Variants in PIP4K2A observed in about 807,000 individuals in gnomAD.
PIP4K2A encodes phosphatidylinositol 5-phosphate 4-kinase type-2 alpha.
Under a neutral mutation model 42.9 loss-of-function variants are expected in PIP4K2A, and 14 were observed. The ratio of observed to expected loss-of-function variants is 0.33; its 90% CI spans 0.22 to 0.51. The LOEUF (loss-of-function observed/expected upper bound fraction) is 0.51. PIP4K2A is among the 20% of genes least tolerant of loss of function. The probability of loss-of-function intolerance (pLI) is 0.97; values close to 1 mark genes in which losing one functional copy is unlikely to be tolerated. For missense variants in PIP4K2A, 434 were observed against 519.8 expected (o/e 0.83, Z 1.61); for synonymous variants, 192 against 192.2 (o/e 1.00, Z 0.01).
rs1835887987 is a variant in PIP4K2A at position 22,535,141 on chromosome 10, T to G, written c.*2060A>C. On this transcript the variant is annotated 3_prime_UTR_variant, in exon 10 of 10. Coordinates refer to ENST00000376573, the MANE Select transcript of PIP4K2A (RefSeq NM_005028.5). ...AAAATAAAAGCATTCTGTAAACTTC[T>G]AAAAGCATACACAGATTGGCCCCCA... The G allele has an allele frequency of 6.6e-6, 1 of 152,230 alleles. No individual in the cohort carries two copies. The allele number at this position is 152,230 out of a possible 1,614,324, so 9.4% of individuals were successfully genotyped here. A position where few individuals can be genotyped will look rare whatever the true frequency, so the allele number is the denominator to read the frequency against.
rs1048321423 is a variant in PIP4K2A, at chr10:22,536,021, T to C, written c.*1180A>G. On this transcript the variant is annotated 3_prime_UTR_variant, in exon 10 of 10. Transcript: ENST00000376573. ...AACGTTATTTCACCTATACTGTGAC[T>C]TTACATGTAAACTTCAAAAATCACA... 7.5e-6 allele frequency: 3 copies of C among 398,140 alleles called. No homozygotes were observed. Among genetic ancestry groups the C allele is most frequent in the Non-Finnish European group, 1.3e-5 (3 of 225,890 alleles). The allele number at this position is 398,140 out of a possible 1,614,324, so 24.7% of individuals were successfully genotyped here.
chr10:22,540,819 T>G (rs964605069), intron 8 of PIP4K2A, among the ~76,000 whole-genome samples: 1 of 152,196 alleles, frequency 6.6e-6, no homozygotes, highest in Admixed American at 6.5e-5. Context: ...CCTCCCAAAG[T>G]GCTGGGATTA....
intron 4 of PIP4K2A, among the ~76,000 whole-genome samples, chr10:22,579,562 T>C (rs1837209801): frequency 6.6e-6 from 1 of 152,134 alleles, no homozygotes; most frequent in Non-Finnish European, 1.5e-5. Context: ...ATAACACTGC[T>C]TAGACATGAT....
chr10:22,636,527 G>C (rs1370036120), intron 1 of PIP4K2A, among the ~76,000 whole-genome samples: 1 of 152,146 alleles, frequency 6.6e-6, no homozygotes, highest in Non-Finnish European at 1.5e-5. Flanking sequence ...CCTCCCCAAA[G>C]TGGTAGGATT....
chr10:22,568,122 T>C (rs1397245959), intron 5 of PIP4K2A, among the ~76,000 whole-genome samples: 1 of 152,236 alleles, frequency 6.6e-6, no homozygotes, highest in Non-Finnish European at 1.5e-5. Flanking sequence ...CCTGACTCTG[T>C]CTTGCTCACC....
At chr10:22,612,686 T>G (rs74362118) in intron 1 of PIP4K2A, among the ~76,000 whole-genome samples, 10,354 of 151,998 alleles carry the variant, frequency 0.068, 420 homozygotes, top group Middle Eastern at 0.16. Flanking sequence ...AGACTAGAAA[T>G]GTAGGGAAAG....
intron 1 of PIP4K2A, among the ~76,000 whole-genome samples, chr10:22,683,948 G>A (rs954703949): frequency 1.3e-5 from 2 of 151,816 alleles, no homozygotes; most frequent in African/African-American, 4.8e-5. Context: ...TCCTTGCCCG[G>A]AACGTTCCTG....
chr10:22,551,927 A>G (rs1302805843), intron 6 of PIP4K2A, among the ~76,000 whole-genome samples: 1 of 152,190 alleles, frequency 6.6e-6, no homozygotes, highest in East Asian at 1.9e-4. Context: ...TTTATAAAGT[A>G]TAGACATGCA....
chr10:22,593,359 T>C (rs1221982053), intron 3 of PIP4K2A, among the ~76,000 whole-genome samples: 1 of 152,042 alleles, frequency 6.6e-6, no homozygotes, highest in Non-Finnish European at 1.5e-5. Flanking sequence ...AAAAAAAAAA[T>C]CTACATAATC....
At chr10:22,637,083 A>G (rs528080323) in intron 1 of PIP4K2A, among the ~76,000 whole-genome samples, 6 of 152,362 alleles carry the variant, frequency 3.9e-5, no homozygotes, top group Non-Finnish European at 8.8e-5. Context: ...AGCATTTTAA[A>G]GATGGAGGCA....
chr10:22,623,933 C>T (rs536558030), intron 1 of PIP4K2A, among the ~76,000 whole-genome samples: 1 of 152,264 alleles, frequency 6.6e-6, no homozygotes, highest in East Asian at 1.9e-4. Flanking sequence ...GAATAGTTCA[C>T]AACAATTAAA....
At chr10:22,712,857 A>T (rs1026979117) in intron 1 of PIP4K2A, among the ~76,000 whole-genome samples, 2 of 152,226 alleles carry the variant, frequency 1.3e-5, no homozygotes, top group African/African-American at 4.8e-5. Flanking sequence ...CAGCTTGGGG[A>T]AGAAAAATAC....
intron 4 of PIP4K2A, among the ~76,000 whole-genome samples, chr10:22,585,451 TAAG>T (rs1366227008): frequency 6.6e-6 from 1 of 152,174 alleles, no homozygotes; most frequent in Non-Finnish European, 1.5e-5. Flanking sequence ...CACTTTGAAA[TAAG>T]AAAGTAAATT....
At chr10:22,539,497 T>G (rs1450190192) in intron 9 of PIP4K2A, 1 of 154,598 alleles carries the variant, frequency 6.5e-6, no homozygotes, top group Non-Finnish European at 1.4e-5. Context: ...CCTGTATACT[T>G]GGGAAGTGTC....
intron 1 of PIP4K2A, among the ~76,000 whole-genome samples, chr10:22,649,869 C>T (rs1466501801): frequency 6.6e-6 from 1 of 152,178 alleles, no homozygotes; most frequent in African/African-American, 2.4e-5. Flanking sequence ...ATCAGCCCTA[C>T]TTTTTTCCTC....
intron 1 of PIP4K2A, among the ~76,000 whole-genome samples, chr10:22,683,504 T>C (rs1046750306): frequency 1.3e-5 from 2 of 152,192 alleles, no homozygotes; most frequent in African/African-American, 4.8e-5. Context: ...ATGTGAATAA[T>C]GACTTGTCCC....
chr10:22,615,756 T>C (rs960237533), intron 1 of PIP4K2A, among the ~76,000 whole-genome samples: 3 of 152,354 alleles, frequency 2.0e-5, no homozygotes, highest in African/African-American at 7.2e-5. Context: ...AATATCACTT[T>C]ACACTTAATG....
At chr10:22,593,127 G>A (rs73598574) in intron 3 of PIP4K2A, among the ~76,000 whole-genome samples, 10,552 of 152,226 alleles carry the variant, frequency 0.069, 1,196 homozygotes, top group African/African-American at 0.23. Context: ...AGGGGTTTAC[G>A]CAGGCCCTAC....
At chr10:22,585,194 T>C (rs1256337840) in intron 4 of PIP4K2A, among the ~76,000 whole-genome samples, 1 of 152,202 alleles carries the variant, frequency 6.6e-6, no homozygotes, top group Non-Finnish European at 1.5e-5. Flanking sequence ...CTTTGAATAG[T>C]AACACCAACG....
Sources: allele counts gnomAD v4.1 joint callset (sites outside exome capture counted in the v4.1 genomes callset), GRCh38; gene constraint gnomAD v4.1.1; transcripts MANE v1.5; gene names NCBI Gene and HGNC (gene_info 2026-07-23, HGNC 2026-07-21).